Variants in DHRSX observed in about 807,000 individuals in gnomAD.
The protein encoded by DHRSX is dehydrogenase/reductase X-linked.
DHRSX carries 31 observed loss-of-function variants against 34.0 expected under a neutral mutation model. The observed-to-expected ratio is 0.91, with a 90% CI of 0.69 to 1.23. The LOEUF is 1.23. Ranked by LOEUF, DHRSX falls within the 50% of genes most tolerant of loss-of-function variation. The pLI, the probability that DHRSX is intolerant of heterozygous loss-of-function variation, is 0.00. For missense variants in DHRSX, 414 were observed against 428.1 expected (o/e 0.97, Z 0.29); for synonymous variants, 201 against 183.8 (o/e 1.09, Z -0.76).
chrX:2,312,812 G>A (rs1228667325), intron 3 of DHRSX, among the ~76,000 whole-genome samples: 1 of 152,088 alleles, frequency 6.6e-6, no homozygotes, highest in African/African-American at 2.4e-5. Context: ...TCTGATCCCT[G>A]TTCCTTGTTT....
chrX:2,291,291 G>A (rs1295240429), intron 4 of DHRSX, among the ~76,000 whole-genome samples: 1 of 152,086 alleles, frequency 6.6e-6, no homozygotes, highest in Non-Finnish European at 1.5e-5. Flanking sequence ...ACATGTTATC[G>A]CGTTTACCAT....
intron 6 of DHRSX, among the ~76,000 whole-genome samples, chrX:2,237,507 A>ATTT (rs778834876): frequency 7.2e-6 from 1 of 138,456 alleles, no homozygotes; most frequent in Non-Finnish European, 1.6e-5. Flanking sequence ...ATAGCTTTCT[A>ATTT]TTTTTTTTTT....
chrX:2,253,441 G>C (rs1233879742), intron 5 of DHRSX, among the ~76,000 whole-genome samples: 4 of 150,062 alleles, frequency 2.7e-5, no homozygotes, highest in African/African-American at 9.7e-5. Flanking sequence ...AAGATGTCGC[G>C]GCCGCACTGC....
At chrX:2,295,137 C>G (rs752192103) in intron 3 of DHRSX, among the ~76,000 whole-genome samples, 2 of 152,080 alleles carry the variant, frequency 1.3e-5, no homozygotes, top group African/African-American at 2.4e-5. Flanking sequence ...ACGTTTATTG[C>G]GGAACTATTA....
chrX:2,319,921 C>T (rs1178340065), intron 3 of DHRSX, among the ~76,000 whole-genome samples: 5 of 151,900 alleles, frequency 3.3e-5, no homozygotes, highest in Admixed American at 1.3e-4. Flanking sequence ...CTCCACCTCC[C>T]GAATTCAAGC....
intron 1 of DHRSX, among the ~76,000 whole-genome samples, chrX:2,470,190 G>C (rs867635415): frequency 2.0e-5 from 3 of 150,218 alleles, no homozygotes; most frequent in African/African-American, 7.4e-5. Flanking sequence ...ATCTAAAAAA[G>C]CTGAACGCAT....
chrX:2,304,170 C>G (rs1360101730), intron 3 of DHRSX, among the ~76,000 whole-genome samples: 10 of 34,194 alleles, frequency 2.9e-4, no homozygotes, highest in Non-Finnish European at 6.0e-4. Context: ...GATGGATGAA[C>G]TGATGGATGG....
chrX:2,460,889 T>A (rs1274946837), intron 1 of DHRSX, among the ~76,000 whole-genome samples: 1 of 152,100 alleles, frequency 6.6e-6, no homozygotes, highest in Non-Finnish European at 1.5e-5. Flanking sequence ...AGCCTATTTT[T>A]ATTTTATTTT....
intron 3 of DHRSX, among the ~76,000 whole-genome samples, chrX:2,350,700 G>A (rs1244618008): frequency 5.3e-5 from 8 of 152,124 alleles, no homozygotes; most frequent in East Asian, 3.9e-4. Context: ...TAACAAGACC[G>A]TATTATACAT....
intron 2 of DHRSX, among the ~76,000 whole-genome samples, chrX:2,418,754 T>A (rs1205297027): frequency 6.6e-6 from 1 of 152,184 alleles, no homozygotes; most frequent in African/African-American, 2.4e-5. Flanking sequence ...AAAATCAGCA[T>A]CATTTTGACC....
intron 3 of DHRSX, among the ~76,000 whole-genome samples, chrX:2,364,173 G>C (rs2042972095): frequency 6.6e-6 from 1 of 152,162 alleles, no homozygotes; most frequent in South Asian, 2.1e-4. Flanking sequence ...CATCCCCACA[G>C]AACTGGGCTG....
chrX:2,231,907 T>C (rs1284293786), intron 6 of DHRSX, among the ~76,000 whole-genome samples: 1 of 147,636 alleles, frequency 6.8e-6, no homozygotes, highest in African/African-American at 2.5e-5. Context: ...CTTTCTCTTA[T>C]CTTCTTCTTT....
chrX:2,255,549 C>T (rs780181971), intron 5 of DHRSX, among the ~76,000 whole-genome samples: 5 of 152,248 alleles, frequency 3.3e-5, no homozygotes, highest in South Asian at 4.1e-4. Flanking sequence ...GTGAGGCACG[C>T]CCATGCCTAT....
intron 3 of DHRSX, among the ~76,000 whole-genome samples, chrX:2,369,274 A>G (rs765627950): frequency 6.1e-4 from 93 of 152,340 alleles, no homozygotes; most frequent in African/African-American, 2.1e-3. Flanking sequence ...CAACATCAGA[A>G]CTGGAGACAG....
In DHRSX at chrX:2,243,152, C is replaced by A; in HGVS notation, c.675G>T (p.Leu225=). ...TCACGTGGCTTCCCTCAGCCGCCAG[C>A]AGCCGCTGGAGGTGGTAGGTGAACA... ...LVLFTYHLQR[L]LAAEGSHVTA... is the part of the protein sequence containing the mutation. Residue 225 remains leucine (L), a synonymous_variant, in exon 6 of 7, where the codon CTG becomes CTT. Coordinates refer to ENST00000334651, the MANE Select transcript of DHRSX (RefSeq NM_145177.3). The A allele has an allele frequency of 6.2e-7, 1 of 1,613,954 alleles. No homozygotes were observed. Among genetic ancestry groups the A allele is most frequent in the East Asian group, 2.2e-5 (1 of 44,882 alleles).
chrX:2,345,218 C>G (rs1340055318), intron 3 of DHRSX, among the ~76,000 whole-genome samples: 1 of 152,016 alleles, frequency 6.6e-6, no homozygotes, highest in Non-Finnish European at 1.5e-5. Context: ...ATGGTGCCCA[C>G]ATATGTGATT....
chrX:2,321,410 C>A (rs2042309366), intron 3 of DHRSX, among the ~76,000 whole-genome samples: 1 of 152,038 alleles, frequency 6.6e-6, no homozygotes, highest in African/African-American at 2.4e-5. Context: ...AATGGTGTCA[C>A]CCCGAATCTC....
intron 5 of DHRSX, among the ~76,000 whole-genome samples, chrX:2,250,680 G>C (rs2124439786): frequency 6.6e-6 from 1 of 152,070 alleles, no homozygotes; most frequent in East Asian, 1.9e-4. Context: ...ACCACAACCT[G>C]GTTTATCAGC....
chrX:2,266,025 C>T (rs2041460599), intron 5 of DHRSX, among the ~76,000 whole-genome samples: 2 of 138,624 alleles, frequency 1.4e-5, no homozygotes, highest in Non-Finnish European at 1.5e-5. Flanking sequence ...AGCACTGTTC[C>T]CAGAGCACCA....
Sources: gnomAD v4.1 joint callset for allele counts (sites outside exome capture counted in the v4.1 genomes callset) on GRCh38, gnomAD v4.1.1 for gene constraint, MANE v1.5 for transcripts, NCBI Gene and HGNC (gene_info 2026-07-23, HGNC 2026-07-21) for gene names.